The following CHRM3 variants were observed in gnomAD, a reference collection of about 807,000 sequenced individuals.
CHRM3 encodes cholinergic receptor muscarinic 3, also known as muscarinic acetylcholine receptor M3.
In CHRM3, 11 loss-of-function variants were observed where a neutral mutation model predicts 41.8. The ratio of observed to expected loss-of-function variants is 0.26; its 90% CI spans 0.17 to 0.44. The LOEUF is 0.44. CHRM3 is among the 20% of genes least tolerant of loss of function. The probability of loss-of-function intolerance (pLI) is 1.00; values close to 1 mark genes in which losing one functional copy is unlikely to be tolerated. For missense variants in CHRM3, 571 were observed against 745.4 expected (o/e 0.77, Z 2.72); for synonymous variants, 297 against 301.4 (o/e 0.99, Z 0.15).
In CHRM3 at chr1:239,727,322, G is replaced by A. The variant is rs150351321; in HGVS notation, c.-147+49034G>A. 7.2e-5 allele frequency among the ~76,000 whole-genome samples: 11 copies of A among 151,986 alleles called. No homozygotes were observed. The East Asian group carries it at 1.4e-3, about 19-fold the overall frequency. ...ACCCCAAAAGAATGAATATTAAAAT[G>A]TATTCTTATTTTAAAATGTCAGTTT... On this transcript the variant is annotated intron_variant, in intron 5 of 6. Coordinates refer to ENST00000676153, the MANE Select transcript of CHRM3 (RefSeq NM_001375978.1).
At chr1:239,501,708 A>T (rs1187641145) in intron 2 of CHRM3, among the ~76,000 whole-genome samples, 1 of 152,090 alleles carries the variant, frequency 6.6e-6, no homozygotes, top group Non-Finnish European at 1.5e-5. Flanking sequence ...TACAAAAAAA[A>T]TTAGCTGGGT....
chr1:239,657,113 G>C (rs562142409), intron 4 of CHRM3, among the ~76,000 whole-genome samples: 5 of 152,124 alleles, frequency 3.3e-5, no homozygotes, highest in Non-Finnish European at 5.9e-5. Flanking sequence ...AAGCCAACAG[G>C]TACATTTGCA....
chr1:239,903,510 G>C (rs188618670), intron 6 of CHRM3, among the ~76,000 whole-genome samples: 2 of 152,298 alleles, frequency 1.3e-5, no homozygotes, highest in East Asian at 3.9e-4. Context: ...TGCTGATATT[G>C]ACAAAGACAG....
At chr1:239,856,025 G>A (rs991055354) in intron 6 of CHRM3, among the ~76,000 whole-genome samples, 1 of 152,204 alleles carries the variant, frequency 6.6e-6, no homozygotes, top group South Asian at 2.1e-4. Context: ...TTAAAATTCT[G>A]GTCTAGTTGT....
intron 2 of CHRM3, among the ~76,000 whole-genome samples, chr1:239,496,365 C>A (rs904997838): frequency 2.0e-5 from 3 of 152,120 alleles, no homozygotes; most frequent in African/African-American, 7.2e-5. Flanking sequence ...CTCTGTAATC[C>A]CAAGTTTCCT....
At chr1:239,555,418 T>C (rs1558315449) in intron 3 of CHRM3, among the ~76,000 whole-genome samples, 1 of 152,144 alleles carries the variant, frequency 6.6e-6, no homozygotes, top group Admixed American at 6.6e-5. Flanking sequence ...ACTTGAGACC[T>C]TGTGACAAAA....
intron 5 of CHRM3, among the ~76,000 whole-genome samples, chr1:239,753,300 A>C (rs149309187): frequency 1.3e-5 from 2 of 152,122 alleles, no homozygotes; most frequent in African/African-American, 4.8e-5. Context: ...GTATAAGTCC[A>C]TTCTCACACT....
chr1:239,679,393 C>G (rs908707220), intron 5 of CHRM3, among the ~76,000 whole-genome samples: 2 of 152,204 alleles, frequency 1.3e-5, no homozygotes, highest in Non-Finnish European at 2.9e-5. Flanking sequence ...AGCTCAAGAC[C>G]TAACTCTACT....
chr1:239,669,462 C>T (rs919243854), intron 4 of CHRM3, among the ~76,000 whole-genome samples: 2 of 151,992 alleles, frequency 1.3e-5, no homozygotes, highest in Admixed American at 6.6e-5. Context: ...ATACTTTGCT[C>T]GATGAAATGG....
chr1:239,807,472 CA>C (rs1670745843), intron 5 of CHRM3, among the ~76,000 whole-genome samples: 1 of 152,136 alleles, frequency 6.6e-6, no homozygotes, highest in Admixed American at 6.5e-5. Context: ...AGGAATGCTA[CA>C]GGGGGAATGA....
chr1:239,882,695 TCTATA>T (rs1391328343), intron 6 of CHRM3, among the ~76,000 whole-genome samples: 1 of 152,224 alleles, frequency 6.6e-6, no homozygotes, highest in Non-Finnish European at 1.5e-5. Context: ...GAAAAACTAA[TCTATA>T]CTAAATTATT....
intron 5 of CHRM3, chr1:239,718,751 G>A (rs1385589304): frequency 2.0e-5 from 3 of 151,938 alleles, no homozygotes; most frequent in African/African-American, 7.2e-5. Context: ...ACCACTAGTA[G>A]CAATTTAACT....
intron 5 of CHRM3, among the ~76,000 whole-genome samples, chr1:239,737,147 T>A (rs1664460209): frequency 6.6e-6 from 1 of 152,158 alleles, no homozygotes; most frequent in Admixed American, 6.6e-5. Flanking sequence ...ATAATTACAA[T>A]GATGTGCCTA....
chr1:239,841,372 A>G (rs1673782571), intron 6 of CHRM3, among the ~76,000 whole-genome samples: 1 of 152,170 alleles, frequency 6.6e-6, no homozygotes, highest in Non-Finnish European at 1.5e-5. Flanking sequence ...ATTTTGGTAA[A>G]GCAGAATTAC....
chr1:239,836,393 T>A (rs1673316938), intron 6 of CHRM3, among the ~76,000 whole-genome samples: 2 of 152,212 alleles, frequency 1.3e-5, no homozygotes, highest in African/African-American at 4.8e-5. Context: ...TTTGTTTTTT[T>A]TTAACAGGCA....
At chr1:239,542,979 G>T (rs2148398578) in intron 2 of CHRM3, among the ~76,000 whole-genome samples, 1 of 152,198 alleles carries the variant, frequency 6.6e-6, no homozygotes, top group East Asian at 1.9e-4. Context: ...ATGCATCTTT[G>T]CTGTGGTCCA....
At chr1:239,634,402 A>T (rs929127558) in intron 4 of CHRM3, among the ~76,000 whole-genome samples, 15 of 149,130 alleles carry the variant, frequency 1.0e-4, no homozygotes, top group Admixed American at 2.0e-4. Context: ...AGAAAGAAAG[A>T]AAGGAAAGAA....
intron 6 of CHRM3, among the ~76,000 whole-genome samples, chr1:239,829,652 G>C (rs1472519261): frequency 6.6e-6 from 1 of 152,120 alleles, no homozygotes; most frequent in Non-Finnish European, 1.5e-5. Context: ...GTTGGGGAAG[G>C]CTAGGACAGA....
At chr1:239,749,395 C>T (rs372324153) in intron 5 of CHRM3, among the ~76,000 whole-genome samples, 1 of 151,996 alleles carries the variant, frequency 6.6e-6, no homozygotes, top group Admixed American at 6.6e-5. Flanking sequence ...AGGTTGGGCA[C>T]GAGTGGCTCA....
Sources: gnomAD v4.1 joint callset for allele counts (sites outside exome capture counted in the v4.1 genomes callset) on GRCh38, gnomAD v4.1.1 for gene constraint, MANE v1.5 for transcripts, NCBI Gene and HGNC (gene_info 2026-07-23, HGNC 2026-07-21) for gene names.